ITSN1: variants seen among roughly 807,000 people sequenced by gnomAD.
ITSN1 encodes the protein intersectin 1.
Under a neutral mutation model 239.8 loss-of-function variants are expected in ITSN1, and 58 were observed. The ratio of observed to expected loss-of-function variants is 0.24; its 90% CI spans 0.20 to 0.30. The LOEUF (loss-of-function observed/expected upper bound fraction) is 0.30, where lower values mean the gene tolerates loss of function less well. Among genes scored for constraint, ITSN1 ranks in the 10% least tolerant of loss-of-function variants. The probability of loss-of-function intolerance (pLI) is 1.00; values close to 1 mark genes in which losing one functional copy is unlikely to be tolerated. For missense variants in ITSN1, 1,558 were observed against 2,103.3 expected, an observed-to-expected ratio of 0.74 and a Z score of 5.07; for synonymous variants, 780 against 770.8, an observed-to-expected ratio of 1.01 and a Z score of -0.20.
chr21:33,699,730 GAATA>G (rs1285464535), intron 1 of ITSN1, among the ~76,000 whole-genome samples: 3 of 152,066 alleles, frequency 2.0e-5, no homozygotes, highest in African/African-American at 7.2e-5. Context: ...AAAAATTATA[GAATA>G]AATAAATAAG....
chr21:33,880,152 G>A (rs919507397), intron 34 of ITSN1, among the ~76,000 whole-genome samples: 1 of 152,236 alleles, frequency 6.6e-6, no homozygotes, highest in Non-Finnish European at 1.5e-5. Flanking sequence ...GGATCACGGT[G>A]TGGACCATGC....
chr21:33,642,529 G>A lies in ITSN1; in HGVS notation c.-217G>A, dbSNP rs917823200. ...GAGAAGAGTGGAGGCGCCAGGGGAG[G>A]GAGCGTAGCTTGGTTGCTCCGTAGT... On this transcript the variant is annotated 5_prime_UTR_variant, in exon 1 of 40. Transcript: ENST00000381318. The A allele has an allele frequency of 6.5e-6, 1 of 153,030 alleles. No homozygotes were observed. Among genetic ancestry groups the A allele is most frequent in the Admixed American group, 6.5e-5 (1 of 15,284 alleles). The allele number at this position is 153,030 out of a possible 1,614,324, so 9.5% of individuals were successfully genotyped here. A position where few individuals can be genotyped will look rare whatever the true frequency, so the allele number is the denominator to read the frequency against.
chr21:33,837,377 T>C, intron 29 of ITSN1: 3 of 993,164 alleles, frequency 3.0e-6, no homozygotes, highest in Non-Finnish European at 3.6e-6. Flanking sequence ...AAATGACTTC[T>C]TTGCTATTTT....
intron 34 of ITSN1, among the ~76,000 whole-genome samples, chr21:33,880,392 T>A (rs743316): frequency 6.6e-6 from 1 of 151,914 alleles, no homozygotes; most frequent in Non-Finnish European, 1.5e-5. Context: ...GCTTGAACCC[T>A]GTCTTGGCAA....
Position 33,818,480 on chromosome 21 carries a change from T to G in ITSN1, c.2933+8T>G, listed in dbSNP as rs753669534. 2.5e-6 allele frequency: 4 copies of G among 1,601,126 alleles called. No individual in the cohort carries two copies. The highest frequency in any genetic ancestry group is 3.4e-6 in the Non-Finnish European group (4 of 1,168,268). On this transcript the variant is annotated splice_region_variant and intron_variant, in intron 23 of 39. Coordinates refer to ENST00000381318, the MANE Select transcript of ITSN1 (RefSeq NM_003024.3). ...CATAAGGAAGTCTACAAGGTATTTT[T>G]GTATTTATCTGCTTGTATTTGATGA...
At position 33,778,820 on chromosome 21, in the gene ITSN1, C is replaced by T. The variant is rs879282839; in HGVS notation, c.1597-2641C>T. Among the ~76,000 whole-genome samples, 18 of 150,812 alleles carry T rather than the reference C, an allele frequency of 1.2e-4. 2 individuals carry two copies. The highest frequency in any genetic ancestry group is 3.4e-3 in the Middle Eastern group (1 of 294). ...GTCTCGATCTCCTGACCTCGTGATC[C>T]GCCCGCCTCGGCCTCCCAAAGTGCT... On this transcript the variant is annotated intron_variant, in intron 14 of 39. Transcript: ENST00000381318.
chr21:33,668,812 C>T (rs2090083524), intron 1 of ITSN1, among the ~76,000 whole-genome samples: 1 of 152,222 alleles, frequency 6.6e-6, no homozygotes, highest in South Asian at 2.1e-4. Context: ...TGACCCCACA[C>T]TTGGCACAGG....
intron 20 of ITSN1, among the ~76,000 whole-genome samples, chr21:33,808,997 T>C (rs1446347082): frequency 1.3e-5 from 2 of 152,194 alleles, no homozygotes; most frequent in African/African-American, 2.4e-5. Flanking sequence ...AGCAAAGTTA[T>C]AATGTGTCAC....
chr21:33,660,072 T>G (rs2089435797), intron 1 of ITSN1, among the ~76,000 whole-genome samples: 1 of 152,140 alleles, frequency 6.6e-6, no homozygotes, highest in Non-Finnish European at 1.5e-5. Context: ...GAAAGGTCGT[T>G]TGAATTCACC....
chr21:33,662,973 TAAA>T (rs1484820183), intron 1 of ITSN1, among the ~76,000 whole-genome samples: 1 of 152,182 alleles, frequency 6.6e-6, no homozygotes, highest in Non-Finnish European at 1.5e-5. Context: ...TGAACTTAAA[TAAA>T]AAATCATTGA....
intron 6 of ITSN1, among the ~76,000 whole-genome samples, chr21:33,750,566 A>G (rs1308807997): frequency 6.6e-6 from 1 of 152,246 alleles, no homozygotes; most frequent in Non-Finnish European, 1.5e-5. Context: ...AGGTGAGCTC[A>G]GCAGTGAAAG....
intron 38 of ITSN1, 22 bp from the exon 39 acceptor site, chr21:33,886,265 C>G (rs370478101): frequency 6.3e-7 from 1 of 1,597,608 alleles, no homozygotes; most frequent in African/African-American, 1.4e-5. Context: ...TTCCACCTGG[C>G]GAAGGCTTTT....
chr21:33,647,466 T>C (rs955303756), intron 1 of ITSN1, among the ~76,000 whole-genome samples: 4 of 152,114 alleles, frequency 2.6e-5, no homozygotes, highest in Admixed American at 1.3e-4. Context: ...CCAAATAATA[T>C]TCCGTTTTAT....
At chr21:33,658,915 A>G (rs1325198379) in intron 1 of ITSN1, among the ~76,000 whole-genome samples, 1 of 152,122 alleles carries the variant, frequency 6.6e-6, no homozygotes, top group Non-Finnish European at 1.5e-5. Flanking sequence ...CTTATTCATA[A>G]TGAGTCCTTT....
chr21:33,772,012 T>A (rs1569145169), intron 11 of ITSN1, 49 bp from the exon 12 acceptor site: 1 of 1,592,472 alleles, frequency 6.3e-7, no homozygotes, highest in Admixed American at 1.8e-5. Context: ...TTGAAAAGAG[T>A]CCGTTGAAAA....
At chr21:33,739,349 T>A (rs1385013058) in intron 5 of ITSN1, among the ~76,000 whole-genome samples, 3 of 151,840 alleles carry the variant, frequency 2.0e-5, no homozygotes, top group African/African-American at 7.3e-5. Context: ...ACAGGAGGAG[T>A]CTGTTTTTCT....
Position 33,750,230 on chromosome 21 carries a change from C to CA in ITSN1, c.434_435insA (p.Leu146ProfsTer15). 6.2e-7 allele frequency: 1 copy of CA among 1,614,158 alleles called. No homozygotes were observed. Among genetic ancestry groups the CA allele is most frequent in the Non-Finnish European group, 8.5e-7 (1 of 1,180,000 alleles). ...ATTCCAGTTGTTGGAATGTCTCCAA[C>CA]CCTAGTATCTTCTGTTCCCACAGCA... On this transcript the variant is annotated frameshift_variant, in exon 6 of 40. Transcript: ENST00000381318. LOFTEE classifies it high-confidence loss of function.
chr21:33,842,640 G>A lies in ITSN1; in HGVS notation c.3661+6008G>A, dbSNP rs1352104972. ...TACAGCCAGAAGGCAGATAAATACC[G>A]CTGTATAGAAGATTCTGGCAGAGGC... On this transcript the variant is annotated intron_variant, in intron 29 of 39. Coordinates refer to ENST00000381318, the MANE Select transcript of ITSN1 (RefSeq NM_003024.3). Among the ~76,000 whole-genome samples the A allele has an allele frequency of 4.6e-5, 7 of 152,216 alleles. No homozygotes were observed. In the East Asian group the frequency reaches 9.7e-4, roughly 21 times the overall value.
chr21:33,822,075 G>A (rs968938923), intron 24 of ITSN1, among the ~76,000 whole-genome samples: 3 of 152,206 alleles, frequency 2.0e-5, no homozygotes, highest in African/African-American at 7.2e-5. Flanking sequence ...GTTTTCCCTG[G>A]GACGTTTGAA....
Sources: allele counts gnomAD v4.1 joint callset (sites outside exome capture counted in the v4.1 genomes callset), GRCh38; gene constraint gnomAD v4.1.1; transcripts MANE v1.5; gene names NCBI Gene and HGNC (gene_info 2026-07-23, HGNC 2026-07-21).